Variants in IGF2BP2 observed in about 807,000 individuals in gnomAD.
IGF2BP2 encodes insulin like growth factor 2 mRNA binding protein 2, also known as insulin-like growth factor 2 mRNA-binding protein 2.
A neutral mutation model predicts 75.8 loss-of-function variants in IGF2BP2; 17 were observed. The observed-to-expected ratio is 0.22, with a 90% CI of 0.15 to 0.34. IGF2BP2 has a LOEUF of 0.34. Ranked by LOEUF, IGF2BP2 falls within the 10% of genes least tolerant of loss-of-function variation. The pLI, the probability that IGF2BP2 is intolerant of heterozygous loss-of-function variation, is 1.00. For missense variants in IGF2BP2, 516 were observed against 772.4 expected (o/e 0.67, Z 3.93); for synonymous variants, 288 against 295.6 (o/e 0.97, Z 0.26).
chr3:185,674,711 A>G (rs1054743998), intron 9 of IGF2BP2, among the ~76,000 whole-genome samples: 2 of 152,058 alleles, frequency 1.3e-5, no homozygotes, highest in Non-Finnish European at 2.9e-5. Flanking sequence ...AGAAGGCTAC[A>G]TACATGGAAA....
At chr3:185,783,762 T>G (rs1735512883) in intron 2 of IGF2BP2, among the ~76,000 whole-genome samples, 1 of 152,176 alleles carries the variant, frequency 6.6e-6, no homozygotes, top group Non-Finnish European at 1.5e-5. Flanking sequence ...TTTCCCCAGT[T>G]TATTATAAAG....
chr3:185,800,018 G>A (rs903306374), intron 2 of IGF2BP2, among the ~76,000 whole-genome samples: 2 of 152,072 alleles, frequency 1.3e-5, no homozygotes, highest in African/African-American at 4.8e-5. Flanking sequence ...GCAAAGACTT[G>A]GAACCAACCC....
intron 10 of IGF2BP2, among the ~76,000 whole-genome samples, 157 bp from the exon 11 acceptor site, chr3:185,658,566 T>C (rs139539678): frequency 6.6e-6 from 1 of 152,360 alleles, no homozygotes; most frequent in East Asian, 1.9e-4. Flanking sequence ...CTCAGATCTC[T>C]GCTCCACTTC....
intron 2 of IGF2BP2, chr3:185,722,300 A>T (rs1170266891): frequency 2.2e-6 from 1 of 455,806 alleles, no homozygotes; most frequent in African/African-American, 2.0e-5. Context: ...CACCATCAGG[A>T]TATGCCACTG....
intron 2 of IGF2BP2, among the ~76,000 whole-genome samples, chr3:185,742,598 G>C (rs1419585925): frequency 6.6e-6 from 1 of 151,520 alleles, no homozygotes; most frequent in Non-Finnish European, 1.5e-5. Flanking sequence ...TTGAGGTTAC[G>C]GTGAGCTATG....
At chr3:185,724,031 C>T (rs1005672405) in intron 2 of IGF2BP2, among the ~76,000 whole-genome samples, 2 of 152,144 alleles carry the variant, frequency 1.3e-5, no homozygotes, top group African/African-American at 2.4e-5. Context: ...GGTAACTCTA[C>T]GTGGGGCTGC....
At chr3:185,796,479 CTTGA>C (rs1737401603) in intron 2 of IGF2BP2, among the ~76,000 whole-genome samples, 1 of 149,258 alleles carries the variant, frequency 6.7e-6, no homozygotes, top group South Asian at 2.1e-4. Context: ...AGGAGAATCA[CTTGA>C]ACTCCCGAGA....
At chr3:185,815,768 C>G (rs1026050220) in intron 2 of IGF2BP2, among the ~76,000 whole-genome samples, 15 of 152,024 alleles carry the variant, frequency 9.9e-5, no homozygotes, top group African/African-American at 3.6e-4. Context: ...CTCCCTCCCA[C>G]CAGCACCATA....
At chr3:185,778,540 A>G (rs1297735321) in intron 2 of IGF2BP2, among the ~76,000 whole-genome samples, 1 of 152,214 alleles carries the variant, frequency 6.6e-6, no homozygotes, top group Non-Finnish European at 1.5e-5. Context: ...TAAAAGGCGA[A>G]TAATGCCTTC....
At chr3:185,715,801 AC>A (rs1578075065) in intron 2 of IGF2BP2, among the ~76,000 whole-genome samples, 4 of 151,870 alleles carry the variant, frequency 2.6e-5, no homozygotes, top group Admixed American at 2.0e-4. Flanking sequence ...CCGTCACCAC[AC>A]CCAGCTAATT....
At chr3:185,814,487 T>A (rs1740341431) in intron 2 of IGF2BP2, among the ~76,000 whole-genome samples, 1 of 152,186 alleles carries the variant, frequency 6.6e-6, no homozygotes, top group African/African-American at 2.4e-5. Context: ...CTCTATTTAA[T>A]GAATTGGTAT....
chr3:185,783,349 C>A (rs1735450222), intron 2 of IGF2BP2, among the ~76,000 whole-genome samples: 1 of 152,156 alleles, frequency 6.6e-6, no homozygotes, highest in Non-Finnish European at 1.5e-5. Flanking sequence ...CTAGGCCCTC[C>A]AGGGTTACAG....
chr3:185,809,782 GAAAT>G (rs902368969), intron 2 of IGF2BP2, among the ~76,000 whole-genome samples: 1 of 152,034 alleles, frequency 6.6e-6, no homozygotes, highest in Non-Finnish European at 1.5e-5. Flanking sequence ...AAGGGAAGAA[GAAAT>G]AAAAGTAAAT....
chr3:185,750,364 C>T (rs1730805251), intron 2 of IGF2BP2, among the ~76,000 whole-genome samples: 1 of 152,114 alleles, frequency 6.6e-6, no homozygotes, highest in African/African-American at 2.4e-5. Flanking sequence ...CCTCTCTAGA[C>T]ATTGACACCT....
chr3:185,666,001 C>CATAGATAGATAGATAG (rs57817338), intron 10 of IGF2BP2, among the ~76,000 whole-genome samples: 8 of 145,402 alleles, frequency 5.5e-5, no homozygotes, highest in East Asian at 2.1e-4. Flanking sequence ...TAGATAGGTA[C>CATAGATAGATAGATAG]ATAGATAGAT....
chr3:185,781,927 T>G (rs531431825), intron 2 of IGF2BP2, among the ~76,000 whole-genome samples: 2 of 152,144 alleles, frequency 1.3e-5, no homozygotes, highest in Non-Finnish European at 2.9e-5. Context: ...TGGGAGTTCA[T>G]AGTATGACTA....
chr3:185,751,117 G>T (rs989123956), intron 2 of IGF2BP2, among the ~76,000 whole-genome samples: 1 of 152,198 alleles, frequency 6.6e-6, no homozygotes, highest in Non-Finnish European at 1.5e-5. Context: ...GGAGGCCAAG[G>T]CACAAGAACC....
In IGF2BP2 at chr3:185,673,709, T is replaced by TC. The variant is rs1185134398; in HGVS notation, c.1072-1041_1072-1040insG. 2.6e-5 allele frequency among the ~76,000 whole-genome samples: 4 copies of TC among 152,220 alleles called. No individual in the cohort carries two copies. The East Asian group carries it at 7.7e-4, about 29-fold the overall frequency. ...TTCACACTGTAACTTGCCTTTTTCT[T>TC]TTTTTTAGAACTTTTGGAATAGCAG... On this transcript the variant is annotated intron_variant, in intron 9 of 15. Coordinates refer to ENST00000382199, the MANE Select transcript of IGF2BP2 (RefSeq NM_006548.6).
intron 2 of IGF2BP2, among the ~76,000 whole-genome samples, chr3:185,779,221 G>A (rs967134240): frequency 1.3e-5 from 2 of 152,056 alleles, no homozygotes; most frequent in African/African-American, 4.8e-5. Flanking sequence ...GAAAGGCATG[G>A]CAGCATGTAC....
Sources: allele counts gnomAD v4.1 joint callset (sites outside exome capture counted in the v4.1 genomes callset), GRCh38; gene constraint gnomAD v4.1.1; transcripts MANE v1.5; gene names NCBI Gene and HGNC (gene_info 2026-07-23, HGNC 2026-07-21).